Variants in RRP12 observed in about 807,000 individuals in gnomAD.
RRP12 encodes ribosomal RNA processing 12 homolog.
A neutral mutation model predicts 157.3 loss-of-function variants in RRP12; 78 were observed. That is an observed-to-expected ratio of 0.50 (90% confidence interval 0.41 to 0.60). The LOEUF is 0.60. Among genes scored for constraint, RRP12 ranks in the 20% least tolerant of loss-of-function variants. The pLI, the probability that RRP12 is intolerant of heterozygous loss-of-function variation, is 0.00. For synonymous variants in RRP12, 726 were observed against 670.9 expected (o/e 1.08, Z -1.27); for missense variants, 1,521 against 1,679.9 (o/e 0.91, Z 1.65).
intron 8 of RRP12, 105 bp downstream of exon 8, chr10:97,388,147 A>T (rs1447729000): frequency 2.8e-5 from 41 of 1,466,142 alleles, no homozygotes; most frequent in Non-Finnish European, 3.3e-5. Context: ...TTAAGAACAC[A>T]GTCAGGGAGG....
At chr10:97,357,303 C>A in intron 33 of RRP12, 107 bp from the exon 34 acceptor site, 1 of 672,952 alleles carries the variant, frequency 1.5e-6, no homozygotes, top group Non-Finnish European at 2.5e-6. Flanking sequence ...GAGAAGGGGG[C>A]CTCCAGGTGG....
intron 19 of RRP12, among the ~76,000 whole-genome samples, chr10:97,372,378 C>T (rs961867031): frequency 6.6e-6 from 1 of 152,230 alleles, no homozygotes; most frequent in Non-Finnish European, 1.5e-5. Context: ...CACCTGCTAA[C>T]TCCTTCAATC....
At chr10:97,395,551 CA>C (rs879295022) in intron 3 of RRP12, among the ~76,000 whole-genome samples, 8,262 of 117,882 alleles carry the variant, frequency 0.07, 272 homozygotes, top group Non-Finnish European at 0.078. Context: ...GACTCTGTTT[CA>C]AAAAAAAAAA....
chr10:97,377,100 A>C (rs1844330625), intron 15 of RRP12, among the ~76,000 whole-genome samples: 1 of 151,152 alleles, frequency 6.6e-6, no homozygotes, highest in Admixed American at 6.6e-5. Context: ...GGCTGGTCTC[A>C]AGCTCCTGAC....
intron 22 of RRP12, 30 bp from the exon 23 acceptor site, chr10:97,370,590 T>C (rs755394926): frequency 1.3e-6 from 2 of 1,597,694 alleles, no homozygotes; most frequent in Non-Finnish European, 8.6e-7. Context: ...CAGCATCTGC[T>C]CCCTGAGCCA....
At chr10:97,371,965 G>T in intron 20 of RRP12, 108 bp downstream of exon 20, 1 of 705,128 alleles carries the variant, frequency 1.4e-6, no homozygotes, top group Non-Finnish European at 2.4e-6. Context: ...ACAGGGACCT[G>T]ATCTCGGGAA....
At chr10:97,385,029 C>T (rs1302802765) in intron 10 of RRP12, 137 bp downstream of exon 10, 1 of 512,070 alleles carries the variant, frequency 2.0e-6, no homozygotes, top group African/African-American at 2.7e-5. Context: ...GACACAGGCC[C>T]TAAGGACCCC....
chr10:97,377,131 C>T (rs1268377698), intron 15 of RRP12, among the ~76,000 whole-genome samples: 1 of 151,980 alleles, frequency 6.6e-6, no homozygotes, highest in Non-Finnish European at 1.5e-5. Context: ...CCACCCACCT[C>T]GGCCTCCCCG....
Position 97,358,599 on chromosome 10 carries a change from C to T in RRP12, c.3729G>A (p.Lys1243=), listed in dbSNP as rs755871452. The change falls in exon 33 of 34, where the codon AAG becomes AAA. Residue 1243 remains lysine (K), a synonymous_variant. Transcript: ENST00000370992. ...CATAGGGATCCGGCCGGCCTTTCTT[C>T]TTCACATCACCTTTTGCTTTCTGCT... ...YKAKKAKGDV[K]KKGRPDPYAY... The T allele has an allele frequency of 1.2e-6, 2 of 1,613,974 alleles. No homozygotes were observed. Among genetic ancestry groups the T allele is most frequent in the Non-Finnish European group, 1.7e-6 (2 of 1,179,946 alleles).
chr10:97,379,346 A>C lies in RRP12; in HGVS notation c.1745T>G (p.Leu582Arg), dbSNP rs772003264. The C allele has an allele frequency of 2.5e-6, 4 of 1,614,012 alleles. No individual in the cohort carries two copies. Residue 582 changes from leucine to arginine, a missense_variant, in exon 15 of 34, where the codon CTT (leucine) becomes CGT (arginine). Coordinates refer to ENST00000370992, the MANE Select transcript of RRP12 (RefSeq NM_015179.4). ...VIRDHVQETR[L>R]GFFTTYFLPL... ...CAAGAAGTAGGTGGTGAAAAAACCAAGTCGCGTTTCCTGAACATGGTCTCG... is the reference window on the plus strand; with the variant it reads ...CAAGAAGTAGGTGGTGAAAAAACCACGTCGCGTTTCCTGAACATGGTCTCG...
At chr10:97,365,272 G>A (rs907502768) in intron 29 of RRP12, among the ~76,000 whole-genome samples, 3 of 118,470 alleles carry the variant, frequency 2.5e-5, no homozygotes, top group African/African-American at 9.3e-5. Flanking sequence ...AGACCTAGGT[G>A]TTTTTTTTTT....
chr10:97,398,596 C>T (rs1038939835), intron 2 of RRP12, among the ~76,000 whole-genome samples: 1 of 151,686 alleles, frequency 6.6e-6, no homozygotes, highest in Non-Finnish European at 1.5e-5. Flanking sequence ...ATCTGCCCAC[C>T]TCGGCCTCCC....
At chr10:97,365,813 A>T (rs1052017605) in intron 29 of RRP12, 5 of 306,734 alleles carry the variant, frequency 1.6e-5, no homozygotes, top group Non-Finnish European at 3.0e-5. Context: ...AAGGAAGAGG[A>T]GGGGGAGGAG....
In RRP12 at chr10:97,363,799, T is replaced by C; in HGVS notation, c.3567+55A>G. 2.0e-6 allele frequency: 3 copies of C among 1,484,202 alleles called. No individual in the cohort carries two copies. The South Asian group carries it at 3.4e-5, about 17-fold the overall frequency. The allele number at this position is 1,484,202 out of a possible 1,614,324, so 91.9% of individuals were successfully genotyped here. ...TACGTGTGGTGGGGGTGAGAAGCTGTGGAGCCCAGGCTTAGGTCTGAAGCC... is the reference window on the plus strand; with the variant it reads ...TACGTGTGGTGGGGGTGAGAAGCTGCGGAGCCCAGGCTTAGGTCTGAAGCC... On this transcript the variant is annotated intron_variant, in intron 30 of 33. Coordinates refer to ENST00000370992, the MANE Select transcript of RRP12 (RefSeq NM_015179.4).
At chr10:97,397,885 A>G (rs147655042) in intron 2 of RRP12, among the ~76,000 whole-genome samples, 1 of 150,210 alleles carries the variant, frequency 6.7e-6, no homozygotes, top group East Asian at 1.9e-4. Context: ...ACTGCACTCT[A>G]ACCTGGGTGA....
chr10:97,371,759 G>T (rs553173021), intron 20 of RRP12: 16 of 277,740 alleles, frequency 5.8e-5, no homozygotes, highest in African/African-American at 2.7e-4. Flanking sequence ...GTAGAGAGTG[G>T]ACTGGGTGGG....
In RRP12 at chr10:97,363,915, A is replaced by G. The variant is rs1376242126; in HGVS notation, c.3518-12T>C. The G allele has an allele frequency of 1.9e-6, 3 of 1,613,318 alleles. No individual in the cohort carries two copies. The highest frequency in any genetic ancestry group is 1.7e-5 in the Admixed American group (1 of 59,988). ...CTCTTCATCTTCGCCTGGAGCCAAA[A>G]AAGAGAGGCCCATGAGCGCTGTGGG... is the stretch of plus-strand genomic sequence containing the variant. On this transcript the variant is annotated splice_polypyrimidine_tract_variant and intron_variant, in intron 29 of 33. Transcript: ENST00000370992.
chr10:97,360,978 C>T (rs1843828476), intron 30 of RRP12, among the ~76,000 whole-genome samples: 1 of 152,228 alleles, frequency 6.6e-6, no homozygotes, highest in Admixed American at 6.5e-5. Context: ...CTGGCCTCTT[C>T]AGAGAGAATA....
chr10:97,373,441 G>T, intron 17 of RRP12, 134 bp downstream of exon 17: 1 of 1,128,188 alleles, frequency 8.9e-7, no homozygotes, highest in Non-Finnish European at 1.2e-6. Context: ...GGGGTCTGCA[G>T]CAGAAGCAGC....
Sources: gnomAD v4.1 joint callset for allele counts (sites outside exome capture counted in the v4.1 genomes callset) on GRCh38, gnomAD v4.1.1 for gene constraint, MANE v1.5 for transcripts, NCBI Gene and HGNC (gene_info 2026-07-23, HGNC 2026-07-21) for gene names.